The following ELMO1 variants were observed in gnomAD, a reference collection of about 807,000 sequenced individuals.
The protein encoded by ELMO1 is engulfment and cell motility protein 1.
Under a neutral mutation model 98.9 loss-of-function variants are expected in ELMO1, and 26 were observed. That is an observed-to-expected ratio of 0.26 (90% CI 0.19 to 0.36). ELMO1 has a LOEUF of 0.36. Ranked by LOEUF, ELMO1 falls within the 10% of genes least tolerant of loss-of-function variation. ELMO1 has a pLI of 1.00. For synonymous variants in ELMO1, 346 were observed against 346.0 expected, an observed-to-expected ratio of 1.00 and a Z score of 0.00; for missense variants, 627 against 935.2, an observed-to-expected ratio of 0.67 and a Z score of 4.30.
chr7:37,025,601 G>C (rs989239232), intron 15 of ELMO1, among the ~76,000 whole-genome samples: 1 of 151,990 alleles, frequency 6.6e-6, no homozygotes, highest in Admixed American at 6.6e-5. Flanking sequence ...TTGCCTCACT[G>C]CTTGAGCTGG....
At chr7:37,254,917 T>TC (rs935704743) in intron 6 of ELMO1, among the ~76,000 whole-genome samples, 12 of 152,160 alleles carry the variant, frequency 7.9e-5, no homozygotes, top group Non-Finnish European at 1.6e-4. Context: ...AGACCTGCTG[T>TC]CCCCCATCCT....
At chr7:37,272,830 G>C (rs1039441615) in intron 4 of ELMO1, among the ~76,000 whole-genome samples, 1 of 152,198 alleles carries the variant, frequency 6.6e-6, no homozygotes, top group Admixed American at 6.5e-5. Flanking sequence ...CAAATAAATA[G>C]AATCAGCCAT....
chr7:36,991,412 C>T (rs538780835), intron 16 of ELMO1, among the ~76,000 whole-genome samples: 1 of 152,338 alleles, frequency 6.6e-6, no homozygotes, highest in East Asian at 1.9e-4. Context: ...GTAGCCACTA[C>T]TGGCTCAGTG....
chr7:36,877,078 T>C (rs1804043150), intron 19 of ELMO1, among the ~76,000 whole-genome samples: 2 of 152,180 alleles, frequency 1.3e-5, no homozygotes, highest in African/African-American at 4.8e-5. Flanking sequence ...GGCCGTGAGC[T>C]GTGAGGAAGG....
chr7:37,305,365 T>G (rs541295631), intron 4 of ELMO1, among the ~76,000 whole-genome samples: 12 of 152,330 alleles, frequency 7.9e-5, no homozygotes, highest in African/African-American at 2.6e-4. Context: ...TTGTATATTA[T>G]AAGGGACCAG....
At chr7:37,391,083 CCTCT>C (rs1803058315) in intron 1 of ELMO1, among the ~76,000 whole-genome samples, 1 of 148,768 alleles carries the variant, frequency 6.7e-6, no homozygotes, top group Non-Finnish European at 1.5e-5. Flanking sequence ...TCTCTCCCTC[CCTCT>C]TTCCCCCCAC....
At chr7:37,352,105 G>A (rs749067817) in intron 1 of ELMO1, among the ~76,000 whole-genome samples, 27 of 152,266 alleles carry the variant, frequency 1.8e-4, no homozygotes, top group Admixed American at 7.8e-4. Context: ...TATACTTTTA[G>A]AGACAATTTT....
In ELMO1 at chr7:36,952,649, T is replaced by C. The variant is rs202006752; in HGVS notation, c.1438-57632A>G. ...ATCACTCTAGACTCAGTTATGAAAA[T>C]GAATGGATGGGAAGCGGGAATTGTA... On this transcript the variant is annotated intron_variant, in intron 16 of 21. Coordinates refer to ENST00000310758, the MANE Select transcript of ELMO1 (RefSeq NM_014800.11). Among the ~76,000 whole-genome samples the C allele has an allele frequency of 2.0e-5, 3 of 152,020 alleles. No homozygotes were observed. In the East Asian group the frequency reaches 5.8e-4, roughly 29 times the overall value.
chr7:37,308,580 GGTTA>G (rs1436961741), intron 4 of ELMO1, among the ~76,000 whole-genome samples: 1 of 152,154 alleles, frequency 6.6e-6, no homozygotes, highest in Non-Finnish European at 1.5e-5. Context: ...CACTGTAACT[GGTTA>G]ATTTCAGGTA....
chr7:37,121,589 A>G (rs1786043991), intron 14 of ELMO1, among the ~76,000 whole-genome samples: 1 of 152,226 alleles, frequency 6.6e-6, no homozygotes, highest in Non-Finnish European at 1.5e-5. Context: ...AAGAATAAAA[A>G]GAAATGAACA....
intron 10 of ELMO1, among the ~76,000 whole-genome samples, chr7:37,222,083 C>T (rs571125077): frequency 6.6e-6 from 1 of 152,194 alleles, no homozygotes; most frequent in Non-Finnish European, 1.5e-5. Context: ...AAGCAAGGAG[C>T]CCCTCTGACA....
At position 37,242,180 on chromosome 7, in the gene ELMO1, T is replaced by C. The variant is rs543185086; in HGVS notation, c.449+2176A>G. Among the ~76,000 whole-genome samples, 4 of 152,310 alleles carry C rather than the reference T, an allele frequency of 2.6e-5. No homozygotes were observed. In the East Asian group the frequency reaches 7.7e-4, roughly 29 times the overall value. On this transcript the variant is annotated intron_variant, in intron 7 of 21. Transcript: ENST00000310758. Reference sequence around the variant, plus strand: ...TTATTCATTTTATCAACTTTTCAGATTAGGTAACTTACACTGATACATCTT... The same window carrying C: ...TTATTCATTTTATCAACTTTTCAGACTAGGTAACTTACACTGATACATCTT...
At chr7:36,878,486 C>A (rs1055853627) in intron 18 of ELMO1, among the ~76,000 whole-genome samples, 1 of 151,784 alleles carries the variant, frequency 6.6e-6, no homozygotes, top group African/African-American at 2.4e-5. Context: ...GAAAAAAAAA[C>A]AGATTTCTCA....
chr7:37,135,583 G>A (rs941831222), intron 13 of ELMO1, among the ~76,000 whole-genome samples: 4 of 152,190 alleles, frequency 2.6e-5, no homozygotes, highest in Non-Finnish European at 5.9e-5. Flanking sequence ...TACCAGCATG[G>A]AGCTGGGTAG....
chr7:37,032,010 G>T (rs1402896800), intron 15 of ELMO1, among the ~76,000 whole-genome samples: 1 of 152,118 alleles, frequency 6.6e-6, no homozygotes. Context: ...ATTGCACCAG[G>T]AAGCGCGCCC....
chr7:37,309,273 A>C (rs538593181), intron 4 of ELMO1, among the ~76,000 whole-genome samples: 1 of 152,204 alleles, frequency 6.6e-6, no homozygotes, highest in Non-Finnish European at 1.5e-5. Context: ...TAGAACCATC[A>C]GCTCTCAAGA....
chr7:37,328,383 CAAAAAAAAA>C (rs10669717), intron 2 of ELMO1, among the ~76,000 whole-genome samples: 12 of 64,852 alleles, frequency 1.9e-4, no homozygotes, highest in East Asian at 7.9e-4. Flanking sequence ...GACCCTGCCA[CAAAAAAAAA>C]AAAAAAAAAA....
intron 1 of ELMO1, among the ~76,000 whole-genome samples, chr7:37,381,576 A>G (rs1802583412): frequency 6.6e-6 from 1 of 152,256 alleles, no homozygotes; most frequent in Admixed American, 6.5e-5. Flanking sequence ...GGGTGGTTTC[A>G]TGATGGAATG....
chr7:37,308,069 C>T (rs578054628), intron 4 of ELMO1, among the ~76,000 whole-genome samples: 10 of 152,162 alleles, frequency 6.6e-5, no homozygotes, highest in African/African-American at 1.2e-4. Context: ...GCCAAGATTG[C>T]GCCACTGCAC....
Sources: gnomAD v4.1 joint callset for allele counts (sites outside exome capture counted in the v4.1 genomes callset) on GRCh38, gnomAD v4.1.1 for gene constraint, MANE v1.5 for transcripts, NCBI Gene and HGNC (gene_info 2026-07-23, HGNC 2026-07-21) for gene names.